The following TSNAXIP1 variants were observed in gnomAD, a reference collection of about 807,000 sequenced individuals.
TSNAXIP1 encodes translin associated factor X interacting protein 1, also known as translin-associated factor X-interacting protein 1.
A neutral mutation model predicts 84.8 loss-of-function variants in TSNAXIP1; 89 were observed. The ratio of observed to expected loss-of-function variants is 1.05; its 90% CI spans 0.88 to 1.25. TSNAXIP1 has a LOEUF of 1.25. TSNAXIP1 is among the 50% of genes most tolerant of loss of function. The probability of loss-of-function intolerance (pLI) is 0.00; values close to 1 mark genes in which losing one functional copy is unlikely to be tolerated. For synonymous variants in TSNAXIP1, 347 were observed against 335.2 expected, an observed-to-expected ratio of 1.04 and a Z score of -0.39; for missense variants, 874 against 887.6, an observed-to-expected ratio of 0.98 and a Z score of 0.20.
Position 67,827,061 on chromosome 16 carries a change from G to T in TSNAXIP1, c.1653G>T (p.Met551Ile), listed in dbSNP as rs1461849256. ...GTCAGAACGAGGGGCTACTAACCAT[G>T]GAGCAGTTCAAGTGAGAGGCCAGTC... ...ADSQNEGLLT[M>I]EQFNTVLKST... Residue 551 changes from methionine (M) to isoleucine (I), a missense_variant, in exon 13 of 16, where the codon ATG becomes ATT. Coordinates refer to ENST00000561639, the MANE Select transcript of TSNAXIP1 (RefSeq NM_001288990.3). 1 of 1,614,054 alleles carries T rather than the reference G, an allele frequency of 6.2e-7. No individual in the cohort carries two copies. The highest frequency in any genetic ancestry group is 8.5e-7 in the Non-Finnish European group (1 of 1,180,016).
chr16:67,824,666 C>T lies in TSNAXIP1; in HGVS notation c.565C>T (p.Leu189=). 3 of 1,614,148 alleles carry T rather than the reference C, an allele frequency of 1.9e-6. No homozygotes were observed. Among genetic ancestry groups the T allele is most frequent in the Non-Finnish European group, 1.7e-6 (2 of 1,180,022 alleles). ...GAATGAGGACTGCAATGAGAGGATC[C>T]TGGCCATGAGAGCTGAGGAGAAATA... ...TVNEDCNERI[L]AMRAEEKYEI... Residue 189 remains leucine, a synonymous_variant, in exon 6 of 16, where the codon CTG becomes TTG. Coordinates refer to ENST00000561639, the MANE Select transcript of TSNAXIP1 (RefSeq NM_001288990.3).
intron 2 of TSNAXIP1, among the ~76,000 whole-genome samples, chr16:67,815,701 G>A (rs1009771687): frequency 2.3e-4 from 35 of 151,664 alleles, no homozygotes; most frequent in African/African-American, 7.5e-4. Flanking sequence ...GTCTAACTAC[G>A]TTGCCCAAGC....
chr16:67,807,098 C>G lies in TSNAXIP1; in HGVS notation c.-52C>G, dbSNP rs754779300. ...GGTCGCCATGGCGACCGGCTGTACG[C>G]TACCACAGCTTCCCAGGCCGCGGGT... On this transcript the variant is annotated 5_prime_UTR_variant, in exon 1 of 16. Coordinates refer to ENST00000561639, the MANE Select transcript of TSNAXIP1 (RefSeq NM_001288990.3). The G allele has an allele frequency of 1.4e-5, 22 of 1,531,496 alleles. No individual in the cohort carries two copies. Among genetic ancestry groups the G allele is most frequent in the Non-Finnish European group, 1.7e-5 (19 of 1,145,088 alleles). 94.9% of individuals were successfully genotyped at this position (1,531,496 alleles called of 1,614,324 possible). A position where few individuals can be genotyped will look rare whatever the true frequency, so the allele number is the denominator to read the frequency against.
chr16:67,825,390 AGAGGG>A (rs2151263240), intron 7 of TSNAXIP1, 118 bp downstream of exon 7: 1 of 1,411,412 alleles, frequency 7.1e-7, no homozygotes, highest in East Asian at 2.3e-5. Context: ...ATAACCATTC[AGAGGG>A]GAGATGTCCC....
chr16:67,825,592 G>T, intron 7 of TSNAXIP1, 75 bp from the exon 8 acceptor site: 2 of 1,533,522 alleles, frequency 1.3e-6, no homozygotes, highest in South Asian at 1.3e-5. Flanking sequence ...ACCCCAAACA[G>T]GAAGGGCAGA....
At chr16:67,813,996 C>T (rs1010684749) in intron 1 of TSNAXIP1, among the ~76,000 whole-genome samples, 10 of 152,144 alleles carry the variant, frequency 6.6e-5, no homozygotes, top group African/African-American at 2.4e-4. Flanking sequence ...AAACCAATAC[C>T]ACAGCCACAG....
Position 67,826,222 on chromosome 16 carries a change from C to T in TSNAXIP1, c.1215C>T (p.Asp405=), listed in dbSNP as rs138622536. The change falls in exon 10 of 16, where the codon GAC becomes GAT. Residue 405 remains aspartate, a synonymous_variant. Coordinates refer to ENST00000561639, the MANE Select transcript of TSNAXIP1 (RefSeq NM_001288990.3). ...AEGKNSDQLV[D]VLLEEIGSGL... ...GCAAGAACAGCGACCAGCTGGTGGACGTGCTCCTGGAAGAGATTGGTTCGG... is the reference window on the plus strand; with the variant it reads ...GCAAGAACAGCGACCAGCTGGTGGATGTGCTCCTGGAAGAGATTGGTTCGG... 1,172 of 1,603,938 alleles carry T rather than the reference C, an allele frequency of 7.3e-4. 1 individual carries two copies. The highest frequency in any genetic ancestry group is 8.3e-4 in the South Asian group (74 of 89,392).
chr16:67,825,620 T>G (rs765446700), intron 7 of TSNAXIP1, 47 bp from the exon 8 acceptor site: 8 of 1,575,480 alleles, frequency 5.1e-6, no homozygotes, highest in East Asian at 2.2e-5. Context: ...AGGCAACCCC[T>G]GAGAAAGCCA....
At chr16:67,825,532 AC>A (rs2057370209) in intron 7 of TSNAXIP1, 134 bp from the exon 8 acceptor site, 1 of 1,316,442 alleles carries the variant, frequency 7.6e-7, no homozygotes, top group African/African-American at 1.5e-5. Context: ...GGGCTTCTAG[AC>A]TTTAGCCTGA....
chr16:67,810,056 T>A (rs1330211889), intron 1 of TSNAXIP1, among the ~76,000 whole-genome samples: 1 of 152,204 alleles, frequency 6.6e-6, no homozygotes, highest in African/African-American at 2.4e-5. Flanking sequence ...ACTGTTTCTC[T>A]TAGAGACACT....
Position 67,806,991 on chromosome 16 carries a change from T to C in TSNAXIP1, c.-159T>C. ...CCAGTCCACCTTTGCTACTTTGTCCTACTCCCAGCCCGCGGGCGCTAGGCT... is the reference window on the plus strand; with the variant it reads ...CCAGTCCACCTTTGCTACTTTGTCCCACTCCCAGCCCGCGGGCGCTAGGCT... On this transcript the variant is annotated 5_prime_UTR_variant, in exon 1 of 16. Transcript: ENST00000561639. 1 of 1,224,238 alleles carries C rather than the reference T, an allele frequency of 8.2e-7. No individual in the cohort carries two copies. The highest frequency in any genetic ancestry group is 2.9e-4 in the Middle Eastern group (1 of 3,502). The allele number at this position is 1,224,238 out of a possible 1,614,324, so 75.8% of individuals were successfully genotyped here. A position where few individuals can be genotyped will look rare whatever the true frequency, so the allele number is the denominator to read the frequency against.
At chr16:67,812,150 C>T (rs8044122) in intron 1 of TSNAXIP1, among the ~76,000 whole-genome samples, 4,392 of 152,118 alleles carry the variant, frequency 0.029, 201 homozygotes, top group African/African-American at 0.099. Context: ...ATCTATCTGG[C>T]AACATAAATC....
intron 10 of TSNAXIP1, 31 bp downstream of exon 10, chr16:67,826,313 C>T: frequency 6.3e-7 from 1 of 1,581,894 alleles, no homozygotes; most frequent in Non-Finnish European, 8.6e-7. Flanking sequence ...GGGGCTTGGG[C>T]CAGAGTCAGA....
At chr16:67,823,030 G>C (rs1349475432) in intron 4 of TSNAXIP1, among the ~76,000 whole-genome samples, 1 of 152,184 alleles carries the variant, frequency 6.6e-6, no homozygotes, top group Non-Finnish European at 1.5e-5. Flanking sequence ...AAGGCAAGAG[G>C]CTGGCTGCCT....
intron 1 of TSNAXIP1, among the ~76,000 whole-genome samples, chr16:67,813,003 C>G (rs2056233206): frequency 6.6e-6 from 1 of 151,998 alleles, no homozygotes; most frequent in Admixed American, 6.6e-5. Context: ...TCACTGCAAC[C>G]TCCGCCTCCC....
Position 67,807,189 on chromosome 16 carries a change from G to A in TSNAXIP1, c.40G>A (p.Ala14Thr). ...QQSRYHSFSS[A>T]SRLQPRPSGV... is the part of the protein sequence containing the mutation. ...GTCGCGGTACCACAGCTTCTCGTCC[G>A]CGTCGAGGTAGGCGCTGGCAGGGAT... is the stretch of plus-strand genomic sequence containing the variant. The change falls in exon 1 of 16, where the codon GCG (alanine) becomes ACG (threonine). Residue 14 changes from alanine to threonine, a missense_variant. Transcript: ENST00000561639. 5 of 1,535,984 alleles carry A rather than the reference G, an allele frequency of 3.3e-6. No individual in the cohort carries two copies. Among genetic ancestry groups the A allele is most frequent in the Non-Finnish European group, 4.4e-6 (5 of 1,146,886 alleles).
At chr16:67,817,612 C>T (rs1439062523) in intron 2 of TSNAXIP1, among the ~76,000 whole-genome samples, 6 of 148,696 alleles carry the variant, frequency 4.0e-5, no homozygotes, top group South Asian at 2.2e-4. Context: ...TGAAAAACGG[C>T]CGGGCGCGGT....
chr16:67,821,270 G>GGGGC, intron 4 of TSNAXIP1, 45 bp downstream of exon 4: 20 of 874,258 alleles, frequency 2.3e-5, no homozygotes, highest in Non-Finnish European at 3.3e-5. Context: ...GGAAGGGTGG[G>GGGGC]AAGAAGCTTC....
intron 4 of TSNAXIP1, 36 bp downstream of exon 4, chr16:67,821,261 G>GGGGGT: frequency 4.0e-6 from 3 of 741,920 alleles, no homozygotes; most frequent in Non-Finnish European, 6.6e-6. Context: ...GAGGGCGGGG[G>GGGGGT]AAGGGTGGGA....
Sources: gnomAD v4.1 joint callset for allele counts (sites outside exome capture counted in the v4.1 genomes callset) on GRCh38, gnomAD v4.1.1 for gene constraint, MANE v1.5 for transcripts, NCBI Gene and HGNC (gene_info 2026-07-23, HGNC 2026-07-21) for gene names.